The following SS18L2 variants were observed in gnomAD, a reference collection of about 807,000 sequenced individuals.
SS18L2 encodes the protein SS18-like protein 2.
Under a neutral mutation model 10.3 loss-of-function variants are expected in SS18L2, and 8 were observed. The observed-to-expected ratio is 0.78, with a 90% CI of 0.46 to 1.41. SS18L2 has a LOEUF of 1.41. Among genes scored for constraint, SS18L2 ranks in the 40% most tolerant of loss-of-function variants. The pLI, the probability that SS18L2 is intolerant of heterozygous loss-of-function variation, is 0.00. For synonymous variants in SS18L2, 41 were observed against 34.6 expected (o/e 1.19, Z -0.65); for missense variants, 100 against 96.2 (o/e 1.04, Z -0.17).
At chr3:42,590,807 A>T, upstream of SS18L2, 1 of 1,299,448 alleles carries the variant, frequency 7.7e-7, no homozygotes. Flanking sequence ...CCCGCCCTGT[A>T]GGCGGGAGCA....
At chr3:42,585,108 T>C (rs889588616) in intron 1 of SS18L2, among the ~76,000 whole-genome samples, 11 of 152,036 alleles carry the variant, frequency 7.2e-5, no homozygotes, top group Non-Finnish European at 1.6e-4. Flanking sequence ...CAGCCTGACC[T>C]ACAAGAGCGA....
chr3:42,583,956 C>A (rs1704523637), intron 1 of SS18L2, among the ~76,000 whole-genome samples: 1 of 152,216 alleles, frequency 6.6e-6, no homozygotes, highest in Non-Finnish European at 1.5e-5. Flanking sequence ...GGGAGATACA[C>A]CATTCAGCTT....
rs201717890 is a variant in SS18L2, at chr3:42,590,862, G to A, written c.-36G>A. ...GTAGGCCCCACCTATCGTGGGTCGA[G>A]TTGCTTGGCGGTCGTGGTTCCGGAG... On this transcript the variant is annotated 5_prime_UTR_variant, in exon 1 of 3. Transcript: ENST00000011691. The A allele has an allele frequency of 3.7e-4, 593 of 1,612,608 alleles. 1 individual carries two copies. In the South Asian group the frequency reaches 3.8e-3, roughly 10 times the overall value.
chr3:42,591,121 C>T (rs1161587617), intron 1 of SS18L2, among the ~76,000 whole-genome samples, 155 bp downstream of exon 1: 1 of 151,810 alleles, frequency 6.6e-6, no homozygotes, highest in African/African-American at 2.4e-5. Flanking sequence ...ACGAAATCAG[C>T]ACAGGCGCCG....
chr3:42,590,890 T>A lies in SS18L2; in HGVS notation c.-8T>A, dbSNP rs775606273. On this transcript the variant is annotated 5_prime_UTR_variant, in exon 1 of 3. Coordinates refer to ENST00000011691, the MANE Select transcript of SS18L2 (RefSeq NM_001370300.1). ...GCTTGGCGGTCGTGGTTCCGGAGGT[T>A]CCTCGGGATGTCGGTGGCCTTCGTA... The A allele has an allele frequency of 6.3e-7, 1 of 1,596,680 alleles. No individual in the cohort carries two copies. The highest frequency in any genetic ancestry group is 8.5e-7 in the Non-Finnish European group (1 of 1,169,810).
At chr3:42,585,956 T>G (rs1156916187), upstream of SS18L2, among the ~76,000 whole-genome samples, 1 of 151,576 alleles carries the variant, frequency 6.6e-6, no homozygotes, top group African/African-American at 2.4e-5. Context: ...CCTCCCCCGC[T>G]TGCTCTCCCA....
chr3:42,584,331 T>C (rs1704540439), intron 1 of SS18L2, among the ~76,000 whole-genome samples: 1 of 152,190 alleles, frequency 6.6e-6, no homozygotes. Flanking sequence ...CTCGGCCCAC[T>C]GCAACCTGCG....
upstream of SS18L2, among the ~76,000 whole-genome samples, chr3:42,586,704 T>C (rs959883177): frequency 1.3e-5 from 2 of 152,170 alleles, no homozygotes; most frequent in Admixed American, 1.3e-4. Context: ...AGAGAAACTA[T>C]CACATTCTCC....
intron 1 of SS18L2, 52 bp downstream of exon 1, chr3:42,591,018 G>T: frequency 6.5e-7 from 1 of 1,544,802 alleles, no homozygotes; most frequent in East Asian, 2.4e-5. Flanking sequence ...GGGATCCCGA[G>T]GGGCTGCGGG....
intron 2 of SS18L2, 69 bp downstream of exon 2, chr3:42,591,670 T>C: frequency 9.4e-7 from 1 of 1,059,506 alleles, no homozygotes; most frequent in South Asian, 1.3e-5. Flanking sequence ...CGGTGCTTTC[T>C]CGAACTAAGA....
intron 1 of SS18L2, chr3:42,591,263 A>C (rs1704828048): frequency 1.8e-6 from 1 of 564,660 alleles, no homozygotes. Context: ...GCAGTGGTGC[A>C]TCTTGGCTCA....
chr3:42,591,447 C>A, intron 1 of SS18L2, 78 bp from the exon 2 acceptor site: 1 of 1,038,732 alleles, frequency 9.6e-7, no homozygotes, highest in Non-Finnish European at 1.5e-6. Flanking sequence ...CCTAGATCGG[C>A]CTCCCAAAGG....
rs535421720 is a variant in SS18L2 at position 42,582,723 on chromosome 3, TCTAGG to T, written c.-90+768_-90+772del. ...GGTTTTGGGAGAATTTACAGAAGCT[TCTAGG>T]CTGGTGTTGGGAATCACAGGAGGCT... On this transcript the variant is annotated intron_variant, in intron 1 of 3. Transcript: ENST00000447630. 2.1e-4 allele frequency among the ~76,000 whole-genome samples: 32 copies of T among 152,258 alleles called. No homozygotes were observed. In the South Asian group the frequency reaches 4.1e-3, roughly 20 times the overall value.
At chr3:42,589,578 G>T (rs941501585), upstream of SS18L2, among the ~76,000 whole-genome samples, 1 of 152,230 alleles carries the variant, frequency 6.6e-6, no homozygotes, top group Non-Finnish European at 1.5e-5. Context: ...CATTACCGCC[G>T]AGCATTCTGC....
upstream of SS18L2, among the ~76,000 whole-genome samples, chr3:42,588,974 A>C (rs569020871): frequency 6.6e-6 from 1 of 152,236 alleles, no homozygotes; most frequent in South Asian, 2.1e-4. Flanking sequence ...GTGAAATGGG[A>C]TGAAAGCAGG....
upstream of SS18L2, among the ~76,000 whole-genome samples, chr3:42,589,268 C>CA (rs1486557886): frequency 3.6e-4 from 52 of 142,606 alleles, no homozygotes; most frequent in African/African-American, 5.2e-4. Flanking sequence ...GACTCTGTCT[C>CA]AAAAAAAAAA....
rs1281926795 is a variant in SS18L2, at chr3:42,596,411, A to C, written c.*1902A>C. ...CAGAGTCCTATCCCCTGAAGTTCTAATTGCTGGCATAATCACACTCTAAAA... is the reference window on the plus strand; with the variant it reads ...CAGAGTCCTATCCCCTGAAGTTCTACTTGCTGGCATAATCACACTCTAAAA... On this transcript the variant is annotated 3_prime_UTR_variant, in exon 3 of 3. Transcript: ENST00000011691. 6.6e-6 allele frequency among the ~76,000 whole-genome samples: 1 copy of C among 152,184 alleles called. No homozygotes were observed. The highest frequency in any genetic ancestry group is 1.5e-5 in the Non-Finnish European group (1 of 68,032).
At chr3:42,584,831 G>A (rs528322444) in intron 1 of SS18L2, among the ~76,000 whole-genome samples, 1 of 152,230 alleles carries the variant, frequency 6.6e-6, no homozygotes, top group East Asian at 1.9e-4. Flanking sequence ...TAGCATAAGT[G>A]CTCTTCAAAT....
chr3:42,593,458 T>C (rs1704927531), intron 2 of SS18L2, among the ~76,000 whole-genome samples: 1 of 152,130 alleles, frequency 6.6e-6, no homozygotes. Flanking sequence ...GAAGGCTGTG[T>C]GTAGGTTATA....
Sources: gnomAD v4.1 joint callset for allele counts (sites outside exome capture counted in the v4.1 genomes callset) on GRCh38, gnomAD v4.1.1 for gene constraint, MANE v1.5 for transcripts, NCBI Gene and HGNC (gene_info 2026-07-23, HGNC 2026-07-21) for gene names.